The following HMGB1 variants were observed in gnomAD, a reference collection of about 807,000 sequenced individuals.
HMGB1 encodes high mobility group box 1, also known as high mobility group protein B1.
For missense variants in HMGB1, 79 were observed against 253.5 expected, an observed-to-expected ratio of 0.31 and a Z score of 4.67; for synonymous variants, 81 against 84.0, an observed-to-expected ratio of 0.96 and a Z score of 0.19.
chr13:30,585,689 T>C (rs1229633477), intron 1 of HMGB1, among the ~76,000 whole-genome samples: 4 of 151,892 alleles, frequency 2.6e-5, no homozygotes, highest in Non-Finnish European at 1.5e-5. Flanking sequence ...AAAAAGTATA[T>C]AGTTGATTCT....
chr13:30,550,829 A>G lies in HMGB1; in HGVS notation c.-15+65842T>C, dbSNP rs545546452. ...TCTTTAAATTCATGTGTCATATATT[A>G]CATTTACTAAGAAGTAGAAATACAT... is the stretch of plus-strand genomic sequence containing the variant. On this transcript the variant is annotated intron_variant, in intron 1 of 4. Coordinates refer to the HMGB1 transcript ENST00000405805. 3.9e-5 allele frequency among the ~76,000 whole-genome samples: 6 copies of G among 152,386 alleles called. No homozygotes were observed. In the South Asian group the frequency reaches 1.2e-3, roughly 32 times the overall value.
chr13:30,581,647 T>G (rs1171426162), intron 1 of HMGB1, among the ~76,000 whole-genome samples: 1 of 152,194 alleles, frequency 6.6e-6, no homozygotes, highest in Admixed American at 6.5e-5. Flanking sequence ...GACCAGCAGG[T>G]GGTAAAGCTG....
At chr13:30,582,696 CAAG>C (rs1870957899) in intron 1 of HMGB1, among the ~76,000 whole-genome samples, 1 of 151,736 alleles carries the variant, frequency 6.6e-6, no homozygotes, top group Non-Finnish European at 1.5e-5. Context: ...AATTACAGTC[CAAG>C]AAGAAGGGCC....
chr13:30,474,959 G>T (rs182637361), intron 1 of HMGB1, among the ~76,000 whole-genome samples: 916 of 63,172 alleles, frequency 0.015, 2 homozygotes, highest in African/African-American at 0.018. Context: ...TTCTTTTTTT[G>T]TTTTTTTTTT....
intron 1 of HMGB1, among the ~76,000 whole-genome samples, chr13:30,612,139 T>C (rs1221685712): frequency 6.6e-6 from 1 of 151,578 alleles, no homozygotes; most frequent in Non-Finnish European, 1.5e-5. Context: ...GCCAAAAATA[T>C]ATGTGTATGT....
At position 30,462,852 on chromosome 13, in the gene HMGB1, T is replaced by C. The variant is rs925547616; in HGVS notation, c.297-140A>G. 7 of 681,542 alleles carry C rather than the reference T, an allele frequency of 1.0e-5. No homozygotes were observed. In the African/African-American group the frequency reaches 1.3e-4, roughly 12 times the overall value. 42.2% of individuals were successfully genotyped at this position (681,542 alleles called of 1,614,324 possible). On this transcript the variant is annotated intron_variant, in intron 3 of 4. Coordinates refer to ENST00000341423, the MANE Select transcript of HMGB1 (RefSeq NM_002128.7). ...ACAGGGTGCAAATACTATAATATACTAAATATCCTTCACAACCAAAGCTTA... is the reference window on the plus strand; with the variant it reads ...ACAGGGTGCAAATACTATAATATACCAAATATCCTTCACAACCAAAGCTTA...
Position 30,555,694 on chromosome 13 carries a change from T to C in HMGB1, c.-15+60977A>G, listed in dbSNP as rs140043535. Among the ~76,000 whole-genome samples, 63 of 152,350 alleles carry C rather than the reference T, an allele frequency of 4.1e-4. 1 individual carries two copies. In the East Asian group the frequency reaches 0.011, roughly 27 times the overall value. On this transcript the variant is annotated intron_variant, in intron 1 of 4. Coordinates refer to the HMGB1 transcript ENST00000405805. ...GCATTTCCATAATATATTGTCTAAATTTCAGGAAGAAATTCTCAACCTTTG... is the reference window on the plus strand; with the variant it reads ...GCATTTCCATAATATATTGTCTAAACTTCAGGAAGAAATTCTCAACCTTTG...
intron 1 of HMGB1, among the ~76,000 whole-genome samples, chr13:30,612,186 TATATAC>T (rs1259623587): frequency 2.0e-5 from 3 of 152,176 alleles, no homozygotes; most frequent in Admixed American, 1.3e-4. Context: ...CATACATGTA[TATATAC>T]ATATACACAT....
chr13:30,563,450 A>T (rs992519544), intron 1 of HMGB1, among the ~76,000 whole-genome samples: 6 of 152,100 alleles, frequency 3.9e-5, no homozygotes, highest in African/African-American at 1.4e-4. Context: ...CTCTCTAAAA[A>T]ATTTTAAAAT....
In HMGB1 at chr13:30,459,456, G is replaced by A. The variant is rs1472857587; in HGVS notation, c.*1901C>T. On this transcript the variant is annotated 3_prime_UTR_variant, in exon 5 of 5. Coordinates refer to ENST00000341423, the MANE Select transcript of HMGB1 (RefSeq NM_002128.7). ...GAATTATTAATGTTGGTGATTAATG[G>A]TGATTTCTATACAGTAGAAACTTCC... 1 of 152,080 alleles carries A rather than the reference G, an allele frequency of 6.6e-6. No homozygotes were observed. The highest frequency in any genetic ancestry group is 1.5e-5 in the Non-Finnish European group (1 of 68,002). 9.4% of individuals were successfully genotyped at this position (152,080 alleles called of 1,614,324 possible).
At chr13:30,553,353 G>T (rs987930483) in intron 1 of HMGB1, among the ~76,000 whole-genome samples, 1 of 152,192 alleles carries the variant, frequency 6.6e-6, no homozygotes, top group Admixed American at 6.5e-5. Flanking sequence ...TAACGTAAAA[G>T]ACTGGTGGCT....
At chr13:30,509,197 C>A (rs1452751940) in intron 1 of HMGB1, among the ~76,000 whole-genome samples, 1 of 151,800 alleles carries the variant, frequency 6.6e-6, no homozygotes, top group East Asian at 1.9e-4. Flanking sequence ...CTCGGCCTCT[C>A]AAAATGCTGG....
At chr13:30,512,048 T>A (rs1018135278) in intron 1 of HMGB1, among the ~76,000 whole-genome samples, 11 of 152,090 alleles carry the variant, frequency 7.2e-5, no homozygotes, top group African/African-American at 2.7e-4. Context: ...GCATGGTGAC[T>A]CATGCCTATA....
intron 1 of HMGB1, among the ~76,000 whole-genome samples, chr13:30,548,437 TAAC>T (rs1445480858): frequency 2.6e-5 from 4 of 152,214 alleles, no homozygotes; most frequent in African/African-American, 9.6e-5. Context: ...ATATCTTTAT[TAAC>T]AGCACGAGAA....
At chr13:30,538,989 C>T (rs1278219333) in intron 1 of HMGB1, among the ~76,000 whole-genome samples, 29 of 152,082 alleles carry the variant, frequency 1.9e-4, no homozygotes, top group Admixed American at 1.9e-3. Flanking sequence ...CTCCACCTCC[C>T]GGGTTCAAGA....
chr13:30,590,906 G>A (rs988096029), intron 1 of HMGB1, among the ~76,000 whole-genome samples: 1 of 152,044 alleles, frequency 6.6e-6, no homozygotes, highest in African/African-American at 2.4e-5. Flanking sequence ...ACAGAACTGT[G>A]AGCAATAAAT....
chr13:30,459,577 T>TATCTTGTTTTTAAAA lies in HMGB1; in HGVS notation c.*1765_*1779dup, dbSNP rs1432694785. On this transcript the variant is annotated 3_prime_UTR_variant, in exon 5 of 5. Transcript: ENST00000341423. ...ACTAACCCTGCTGTTCGCTTGCATG[T>TATCTTGTTTTTAAAA]ATCTTGTTTTTAAAAATCTTGTTTA... 4 of 152,026 alleles carry TATCTTGTTTTTAAAA rather than the reference T, an allele frequency of 2.6e-5. No individual in the cohort carries two copies. The highest frequency in any genetic ancestry group is 5.9e-5 in the Non-Finnish European group (4 of 68,026). 9.4% of individuals were successfully genotyped at this position (152,026 alleles called of 1,614,324 possible).
In HMGB1 at chr13:30,456,760, C is replaced by CGGGGG. The variant is rs386378689; in HGVS notation, c.*4592_*4596dup. 120 of 13,506 alleles carry CGGGGG rather than the reference C, an allele frequency of 8.9e-3. 1 individual carries two copies. Among genetic ancestry groups the CGGGGG allele is most frequent in the South Asian group, 0.026 (13 of 506 alleles). The allele number at this position is 13,506 out of a possible 1,614,324, so 0.8% of individuals were successfully genotyped here. A position where few individuals can be genotyped will look rare whatever the true frequency, so the allele number is the denominator to read the frequency against. On this transcript the variant is annotated 3_prime_UTR_variant, in exon 5 of 5. Transcript: ENST00000341423. ...CAGCATAAATAACAGCTTTTGTGGG[C>CGGGGG]GGGGGGGGGGGGTGGTGGGGTGCAA... is the stretch of plus-strand genomic sequence containing the variant.
intron 1 of HMGB1, among the ~76,000 whole-genome samples, chr13:30,595,663 CG>C (rs781394340): frequency 2.6e-5 from 4 of 152,134 alleles, no homozygotes; most frequent in Non-Finnish European, 4.4e-5. Context: ...TCGGCTGGGA[CG>C]GCCATCCTTT....
Sources: allele counts gnomAD v4.1 joint callset (sites outside exome capture counted in the v4.1 genomes callset), GRCh38; gene constraint gnomAD v4.1.1; transcripts MANE v1.5; gene names NCBI Gene and HGNC (gene_info 2026-07-23, HGNC 2026-07-21).